KCNMA1: variants seen among roughly 807,000 people sequenced by gnomAD.
The protein encoded by KCNMA1 is Calcium-activated potassium channel subunit alpha-1.
KCNMA1 carries 29 observed loss-of-function variants against 140.0 expected under a neutral mutation model. The observed-to-expected ratio is 0.21, with a 90% confidence interval of 0.15 to 0.28. The LOEUF (loss-of-function observed/expected upper bound fraction) is 0.28. KCNMA1 is among the 10% of genes least tolerant of loss of function. The pLI, the probability that KCNMA1 is intolerant of heterozygous loss-of-function variation, is 1.00. For synonymous variants in KCNMA1, 612 were observed against 611.9 expected, an observed-to-expected ratio of 1.00 and a Z score of 0.00; for missense variants, 880 against 1,602.2, an observed-to-expected ratio of 0.55 and a Z score of 7.70.
chr10:76,886,258 A>T lies in KCNMA1; in HGVS notation c.*1008T>A. 1.0e-6 allele frequency: 1 copy of T among 985,200 alleles called. No homozygotes were observed. The highest frequency in any genetic ancestry group is 1.7e-5 in the African/African-American group (1 of 57,340). The allele number at this position is 985,200 out of a possible 1,614,324, so 61.0% of individuals were successfully genotyped here. ...TAATCAAACAAAGGGGAGTAAAAAG[A>T]TCCCCTGAGAATGCATGGAAAAATA... On this transcript the variant is annotated 3_prime_UTR_variant, in exon 28 of 28. Coordinates refer to ENST00000286628, the MANE Select transcript of KCNMA1 (RefSeq NM_001161352.2).
intron 23 of KCNMA1, among the ~76,000 whole-genome samples, chr10:76,933,328 C>T (rs2059731289): frequency 6.6e-6 from 1 of 152,186 alleles, no homozygotes; most frequent in Admixed American, 6.5e-5. Context: ...AGGTACTGTG[C>T]TAAGCATTTA....
At chr10:77,206,016 C>G (rs2043996187) in intron 3 of KCNMA1, among the ~76,000 whole-genome samples, 1 of 152,136 alleles carries the variant, frequency 6.6e-6, no homozygotes. Context: ...CAATCTCGCT[C>G]TAATGAATCT....
At chr10:77,488,983 G>A (rs1229025775) in intron 1 of KCNMA1, among the ~76,000 whole-genome samples, 1 of 152,304 alleles carries the variant, frequency 6.6e-6, no homozygotes, top group East Asian at 1.9e-4. Flanking sequence ...CAGGCCAGGA[G>A]CTAGGAATGC....
chr10:76,909,901 G>A, intron 25 of KCNMA1, 65 bp downstream of exon 25: 2 of 1,574,490 alleles, frequency 1.3e-6, no homozygotes, highest in Non-Finnish European at 1.7e-6. Flanking sequence ...GGCCTCAAAG[G>A]TTGGAGGTGC....
At chr10:77,051,633 G>A (rs2095368377) in intron 14 of KCNMA1, among the ~76,000 whole-genome samples, 1 of 152,152 alleles carries the variant, frequency 6.6e-6, no homozygotes, top group South Asian at 2.1e-4. Context: ...GCTGGGCTTA[G>A]CAGTTTTCCT....
intron 2 of KCNMA1, among the ~76,000 whole-genome samples, chr10:77,321,465 G>A (rs1026496611): frequency 7.0e-6 from 1 of 142,782 alleles, no homozygotes; most frequent in African/African-American, 2.4e-5. Flanking sequence ...TGAGGATATT[G>A]TCAGTAAAAC....
In KCNMA1 at chr10:77,025,548, T is replaced by C. The variant is rs570124327; in HGVS notation, c.1928+2275A>G. 3.5e-5 allele frequency: 37 copies of C among 1,063,212 alleles called. No individual in the cohort carries two copies. In the South Asian group the frequency reaches 5.0e-4, roughly 14 times the overall value. The allele number at this position is 1,063,212 out of a possible 1,614,324, so 65.9% of individuals were successfully genotyped here. On this transcript the variant is annotated intron_variant, in intron 16 of 27. Transcript: ENST00000286628. ...GGAAAGAAGGAATAAAACCTTTGTTTCAAATCACTTGAAGGATGCATGTGA... is the reference window on the plus strand; with the variant it reads ...GGAAAGAAGGAATAAAACCTTTGTTCCAAATCACTTGAAGGATGCATGTGA...
At chr10:77,232,020 G>A (rs754954437) in intron 3 of KCNMA1, among the ~76,000 whole-genome samples, 11 of 152,214 alleles carry the variant, frequency 7.2e-5, no homozygotes, top group South Asian at 2.1e-4. Context: ...TTTTACACAA[G>A]TGAAGTCATA....
intron 3 of KCNMA1, among the ~76,000 whole-genome samples, chr10:77,231,500 T>C (rs2053577499): frequency 6.6e-6 from 1 of 152,222 alleles, no homozygotes; most frequent in Non-Finnish European, 1.5e-5. Context: ...TCTAGTGTTT[T>C]TCTTTTTTTT....
chr10:76,922,587 G>T lies in KCNMA1; in HGVS notation c.2903-7538C>A, dbSNP rs560541920. Among the ~76,000 whole-genome samples the T allele has an allele frequency of 3.3e-5, 5 of 152,272 alleles. No individual in the cohort carries two copies. In the East Asian group the frequency reaches 7.7e-4, roughly 24 times the overall value. ...GGACATTATGTAAAAGATGGTAAAGGTTCTGTGGTTGCAAAGTCAGGAGTC... is the reference window on the plus strand; with the variant it reads ...GGACATTATGTAAAAGATGGTAAAGTTTCTGTGGTTGCAAAGTCAGGAGTC... On this transcript the variant is annotated intron_variant, in intron 23 of 27. Coordinates refer to ENST00000286628, the MANE Select transcript of KCNMA1 (RefSeq NM_001161352.2).
intron 1 of KCNMA1, among the ~76,000 whole-genome samples, chr10:77,544,408 C>A (rs1344999316): frequency 6.6e-6 from 1 of 152,062 alleles, no homozygotes; most frequent in Non-Finnish European, 1.5e-5. Flanking sequence ...CCTGAATCTC[C>A]AAAAATCACT....
chr10:76,907,441 A>G (rs2048253089), intron 25 of KCNMA1, among the ~76,000 whole-genome samples: 1 of 152,192 alleles, frequency 6.6e-6, no homozygotes, highest in South Asian at 2.1e-4. Flanking sequence ...CCAGTGCTCA[A>G]ACCGATTTTA....
intron 29 of KCNMA1, chr10:76,877,909 G>A (rs1301045833): frequency 1.2e-6 from 2 of 1,604,586 alleles, no homozygotes; most frequent in Non-Finnish European, 1.7e-6. Flanking sequence ...GGGCAAAATG[G>A]ATAGAGAACA....
At chr10:77,510,163 T>C (rs2047832933) in intron 1 of KCNMA1, among the ~76,000 whole-genome samples, 1 of 152,078 alleles carries the variant, frequency 6.6e-6, no homozygotes, top group Admixed American at 6.5e-5. Flanking sequence ...AGTTGCTCAG[T>C]GATAAGATAA....
intron 2 of KCNMA1, among the ~76,000 whole-genome samples, chr10:77,311,480 C>A (rs774617590): frequency 2.0e-5 from 3 of 152,128 alleles, no homozygotes; most frequent in Admixed American, 1.3e-4. Context: ...GGCAGCAAGT[C>A]CCCTTTCTTT....
chr10:76,974,613 C>T (rs2076969462), intron 19 of KCNMA1: 1 of 1,324,648 alleles, frequency 7.5e-7, no homozygotes, highest in African/African-American at 1.5e-5. Flanking sequence ...GAAATTAATC[C>T]ATAGTGAAAT....
At chr10:77,120,217 C>T (rs900424833) in intron 6 of KCNMA1, among the ~76,000 whole-genome samples, 4 of 152,158 alleles carry the variant, frequency 2.6e-5, no homozygotes, top group Non-Finnish European at 2.9e-5. Context: ...CATTAGAGCA[C>T]GTCTAACCTC....
intron 5 of KCNMA1, among the ~76,000 whole-genome samples, chr10:77,154,885 AAC>A (rs1392675996): frequency 6.6e-6 from 1 of 152,242 alleles, no homozygotes; most frequent in Non-Finnish European, 1.5e-5. Context: ...ATTGCTATAA[AAC>A]ACACAAATTC....
chr10:77,541,726 T>C (rs988168556), intron 1 of KCNMA1, among the ~76,000 whole-genome samples: 1 of 152,190 alleles, frequency 6.6e-6, no homozygotes, highest in African/African-American at 2.4e-5. Context: ...TTCTCAGTCT[T>C]GGAAGCACGC....
Sources: gnomAD v4.1 joint callset for allele counts (sites outside exome capture counted in the v4.1 genomes callset) on GRCh38, gnomAD v4.1.1 for gene constraint, MANE v1.5 for transcripts, NCBI Gene and HGNC (gene_info 2026-07-23, HGNC 2026-07-21) for gene names.